The following OTUD7B variants were observed in gnomAD, a reference collection of about 807,000 sequenced individuals.
OTUD7B encodes the protein OTU domain-containing protein 7B.
A neutral mutation model predicts 82.2 loss-of-function variants in OTUD7B; 34 were observed. The ratio of observed to expected loss-of-function variants is 0.41; its 90% CI spans 0.31 to 0.55. The LOEUF (loss-of-function observed/expected upper bound fraction) is 0.55. OTUD7B is among the 20% of genes least tolerant of loss of function. The pLI, the probability that OTUD7B is intolerant of heterozygous loss-of-function variation, is 0.20. For missense variants in OTUD7B, 944 were observed against 1,062.1 expected (o/e 0.89, Z 1.55); for synonymous variants, 398 against 402.7 (o/e 0.99, Z 0.14).
chr1:149,969,696 G>GA (rs1352325220), intron 3 of OTUD7B, among the ~76,000 whole-genome samples: 4 of 152,016 alleles, frequency 2.6e-5, no homozygotes, highest in African/African-American at 9.6e-5. Context: ...TTACCTTTTT[G>GA]AAAAAAATTA....
chr1:150,065,319 C>G, the OTUD7B span, among the ~76,000 whole-genome samples: 1 of 152,116 alleles, frequency 6.6e-6, no homozygotes, highest in Admixed American at 6.6e-5. Context: ...AACGATTGGC[C>G]TCGCCTTGGC....
intron 1 of OTUD7B, among the ~76,000 whole-genome samples, chr1:150,009,547 T>C (rs1015548325): frequency 1.3e-5 from 2 of 152,344 alleles, no homozygotes; most frequent in East Asian, 3.9e-4. Flanking sequence ...AGGCTTTGCA[T>C]TCGTGAAAAG....
At chr1:150,026,539 G>A in the OTUD7B span, among the ~76,000 whole-genome samples, 99,239 of 151,592 alleles carry the variant, frequency 0.65, 32,806 homozygotes, top group South Asian at 0.73. Flanking sequence ...TAATACCTCC[G>A]TCTGCCTTAT....
In OTUD7B at chr1:149,940,341, A is replaced by C. The variant is rs2092752816; in HGVS notation, c.*3516T>G. ...GAATCTTTAAAAAATCTTTGGATAT[A>C]ATCTTTTTATTTTGTTGATAAAAAC... On this transcript the variant is annotated 3_prime_UTR_variant, in exon 12 of 12. Coordinates refer to ENST00000581312, the MANE Select transcript of OTUD7B (RefSeq NM_020205.4). The C allele has an allele frequency of 6.6e-6, 1 of 152,176 alleles. No homozygotes were observed. Among genetic ancestry groups the C allele is most frequent in the Admixed American group, 6.5e-5 (1 of 15,280 alleles). 9.4% of individuals were successfully genotyped at this position (152,176 alleles called of 1,614,324 possible).
At chr1:149,987,236 C>T (rs1051329725) in intron 1 of OTUD7B, among the ~76,000 whole-genome samples, 16 of 152,150 alleles carry the variant, frequency 1.1e-4, no homozygotes, top group African/African-American at 3.9e-4. Flanking sequence ...CTCCAGAGAA[C>T]ATACGCTCAC....
chr1:149,992,386 C>A (rs1651629688), intron 1 of OTUD7B, among the ~76,000 whole-genome samples: 1 of 150,334 alleles, frequency 6.7e-6, no homozygotes, highest in Non-Finnish European at 1.5e-5. Flanking sequence ...GATAATTTTT[C>A]TCTTCTACTG....
chr1:150,015,290 C>CT (rs60374988), upstream of OTUD7B, among the ~76,000 whole-genome samples: 4 of 128,972 alleles, frequency 3.1e-5, 1 homozygote, highest in African/African-American at 9.2e-5. Flanking sequence ...TTTTCTTTCT[C>CT]TTTTTTTTTT....
At chr1:150,067,624 C>T in the OTUD7B span, 1 of 508,936 alleles carries the variant, frequency 2.0e-6, no homozygotes, top group Non-Finnish European at 3.5e-6. Flanking sequence ...GAGAATAACG[C>T]CCGCGCGTGG....
the OTUD7B span, among the ~76,000 whole-genome samples, chr1:150,030,991 C>T: frequency 6.6e-6 from 1 of 151,902 alleles, no homozygotes; most frequent in Non-Finnish European, 1.5e-5. Context: ...TGGGCTGGGT[C>T]CTCGAACTCC....
At chr1:149,958,420 TG>T (rs1553774996) in intron 7 of OTUD7B, among the ~76,000 whole-genome samples, 2 of 149,090 alleles carry the variant, frequency 1.3e-5, no homozygotes, top group Non-Finnish European at 3.0e-5. Context: ...CTCTGCTTCC[TG>T]GGTTCAAGCA....
intron 1 of OTUD7B, among the ~76,000 whole-genome samples, chr1:150,009,934 C>CT (rs1553786961): frequency 7.9e-5 from 12 of 151,012 alleles, no homozygotes; most frequent in Admixed American, 2.0e-4. Context: ...CCGTCTCTCT[C>CT]CCTCTCTCAC....
chr1:149,980,773 G>C (rs1650663869), intron 1 of OTUD7B, among the ~76,000 whole-genome samples: 1 of 152,162 alleles, frequency 6.6e-6, no homozygotes, highest in South Asian at 2.1e-4. Context: ...AGCACTTTGA[G>C]AGGCTGAGGC....
Position 149,950,117 on chromosome 1 carries a change from A to G in OTUD7B, c.950T>C (p.Met317Thr). The change falls in exon 8 of 12, where the codon ATG becomes ACG. Residue 317 changes from methionine to threonine, a missense_variant. Met to Thr is a moderately conservative substitution (Grantham distance 81, BLOSUM62 -1). This residue lies in a region of OTUD7B where 530 missense variants were observed against 625.6 expected (regional missense o/e 0.85). Coordinates refer to ENST00000581312, the MANE Select transcript of OTUD7B (RefSeq NM_020205.4). The part of the protein sequence containing the change: ...RRPIVVVADT[M>T]LRDSGGEAFA... ...ACCTTCCCCTCCGGAGTCCCTCAGCATGGTGTCTGCCACGACGACTATGGG... is the reference window on the plus strand; with the variant it reads ...ACCTTCCCCTCCGGAGTCCCTCAGCGTGGTGTCTGCCACGACGACTATGGG... The G allele has an allele frequency of 6.2e-7, 1 of 1,614,084 alleles. No homozygotes were observed. The highest frequency in any genetic ancestry group is 8.5e-7 in the Non-Finnish European group (1 of 1,180,024).
chr1:149,996,499 G>A (rs1308656903), intron 1 of OTUD7B, among the ~76,000 whole-genome samples: 1 of 152,182 alleles, frequency 6.6e-6, no homozygotes, highest in Non-Finnish European at 1.5e-5. Flanking sequence ...TTTGGAATCC[G>A]TTAGAGCTAT....
At position 149,964,300 on chromosome 1, in the gene OTUD7B, A is replaced by G. The variant is rs201854231; in HGVS notation, c.654T>C (p.Tyr218=). The G allele has an allele frequency of 1.6e-5, 26 of 1,613,984 alleles. 1 individual carries two copies. Among genetic ancestry groups the G allele is most frequent in the South Asian group, 6.6e-5 (6 of 91,080 alleles). ...TCTCAACTCCCTTCTCCATCAGTGCATACAAAGCTTTCCGCAGCATCAAGT... is the reference window on the plus strand; with the variant it reads ...TCTCAACTCCCTTCTCCATCAGTGCGTACAAAGCTTTCCGCAGCATCAAGT... ...DRDLMLRKAL[Y]ALMEKGVEKE... The change falls in exon 6 of 12, where the codon TAT becomes TAC. Residue 218 remains tyrosine, a synonymous_variant. Coordinates refer to ENST00000581312, the MANE Select transcript of OTUD7B (RefSeq NM_020205.4).
At chr1:149,994,584 CAAAAAAAAAAAA>C in intron 1 of OTUD7B, among the ~76,000 whole-genome samples, 1 of 41,094 alleles carries the variant, frequency 2.4e-5, no homozygotes, top group Middle Eastern at 0.01. Context: ...GACTCCATCT[CAAAAAAAAAAAA>C]AAAAAAAAAA....
At chr1:149,959,882 T>C in intron 6 of OTUD7B, 86 bp from the exon 7 acceptor site, 1 of 827,732 alleles carries the variant, frequency 1.2e-6, no homozygotes, top group South Asian at 1.4e-5. Context: ...TCACTGTTAC[T>C]TACTCCCTAA....
rs587743672 is a variant in OTUD7B, at chr1:150,007,542, C to T, written c.-67+2906G>A. Among the ~76,000 whole-genome samples the T allele has an allele frequency of 2.0e-5, 3 of 152,184 alleles. No homozygotes were observed. The South Asian group carries it at 6.2e-4, about 32-fold the overall frequency. ...AGTCTGCCTTCCCATATTTATACACCACCTTTCCCATCCACCCTCAACCCC... is the reference window on the plus strand; with the variant it reads ...AGTCTGCCTTCCCATATTTATACACTACCTTTCCCATCCACCCTCAACCCC... On this transcript the variant is annotated intron_variant, in intron 1 of 11. Transcript: ENST00000581312.
chr1:149,980,935 C>T (rs191461028), intron 1 of OTUD7B, among the ~76,000 whole-genome samples: 28 of 145,390 alleles, frequency 1.9e-4, no homozygotes, highest in Admixed American at 7.8e-4. Context: ...ATTGCTTGAG[C>T]CTGGGAGGTC....
Sources: allele counts gnomAD v4.1 joint callset (sites outside exome capture counted in the v4.1 genomes callset), GRCh38; gene constraint gnomAD v4.1.1; regional missense constraint gnomAD v4.1.1; transcripts MANE v1.5; gene names NCBI Gene and HGNC (gene_info 2026-07-23, HGNC 2026-07-21).